Variants in MAGI2 observed in about 807,000 individuals in gnomAD.
MAGI2 encodes membrane associated guanylate kinase, WW and PDZ domain containing 2, also known as membrane-associated guanylate kinase, WW and PDZ domain-containing protein 2.
MAGI2 carries 35 observed loss-of-function variants against 133.3 expected under a neutral mutation model. That is an observed-to-expected ratio of 0.26 (90% CI 0.20 to 0.35). The LOEUF is 0.35. MAGI2 is among the 10% of genes least tolerant of loss of function. The pLI, the probability that MAGI2 is intolerant of heterozygous loss-of-function variation, is 1.00. For missense variants in MAGI2, 1,636 were observed against 1,863.4 expected, an observed-to-expected ratio of 0.88 and a Z score of 2.25; for synonymous variants, 729 against 710.6, an observed-to-expected ratio of 1.03 and a Z score of -0.41.
intron 2 of MAGI2, among the ~76,000 whole-genome samples, chr7:78,889,734 A>C (rs1796582807): frequency 6.6e-6 from 1 of 152,242 alleles, no homozygotes; most frequent in South Asian, 2.1e-4. Context: ...GGAAGAACTA[A>C]ACATGGAAAG....
At chr7:78,855,962 T>C (rs1793601148) in intron 2 of MAGI2, among the ~76,000 whole-genome samples, 1 of 152,228 alleles carries the variant, frequency 6.6e-6, no homozygotes, top group Non-Finnish European at 1.5e-5. Flanking sequence ...AGGTGTGAGA[T>C]GGTATCTCAT....
intron 21 of MAGI2, among the ~76,000 whole-genome samples, chr7:78,071,868 C>G (rs959948071): frequency 9.2e-5 from 14 of 152,210 alleles, no homozygotes; most frequent in African/African-American, 3.4e-4. Context: ...ATTATTGCAG[C>G]AAGTCACCTT....
intron 1 of MAGI2, among the ~76,000 whole-genome samples, chr7:79,123,971 T>A (rs1820163487): frequency 6.6e-6 from 1 of 152,062 alleles, no homozygotes; most frequent in African/African-American, 2.4e-5. Flanking sequence ...CCCCCTCACC[T>A]TTTCACTGTC....
chr7:79,168,885 GATAGATATATATATATATATATAT>G lies in MAGI2; in HGVS notation c.302-161703_302-161680del, dbSNP rs1479449291. ...TGTCTGCCAGGTTTTTCTTTCTAAA[GATAGATATATATATATATATATAT>G]ATATATATATATATATATATATATA... On this transcript the variant is annotated intron_variant, in intron 1 of 21. Transcript: ENST00000354212. 6.0e-3 allele frequency among the ~76,000 whole-genome samples: 834 copies of G among 138,840 alleles called. 21 individuals are homozygous for G. The highest frequency in any genetic ancestry group is 0.022 in the African/African-American group (768 of 34,460). 91.1% of individuals were successfully genotyped at this position (138,840 alleles called of 152,430 possible). A position where few individuals can be genotyped will look rare whatever the true frequency, so the allele number is the denominator to read the frequency against.
chr7:78,450,460 T>C (rs2072006815), intron 6 of MAGI2, among the ~76,000 whole-genome samples: 3 of 152,092 alleles, frequency 2.0e-5, no homozygotes. Flanking sequence ...TGTTCCATAA[T>C]TTTGCTTTCA....
intron 1 of MAGI2, among the ~76,000 whole-genome samples, chr7:79,297,293 C>A (rs1217217474): frequency 6.6e-6 from 1 of 151,964 alleles, no homozygotes. Flanking sequence ...CTAGAGATGC[C>A]AGGAGGAAGA....
chr7:78,461,916 C>CAAAAAAAAGAAAAAAAAAAAA (rs1790072958), intron 6 of MAGI2, among the ~76,000 whole-genome samples: 1 of 30,538 alleles, frequency 3.3e-5, no homozygotes, highest in Non-Finnish European at 6.4e-5. Context: ...AATTCCGTCT[C>CAAAAAAAAGAAAAAAAAAAAA]AAAAAAAAAA....
chr7:78,596,280 C>A (rs1804605561), intron 3 of MAGI2, among the ~76,000 whole-genome samples: 1 of 151,886 alleles, frequency 6.6e-6, no homozygotes, highest in Admixed American at 6.6e-5. Flanking sequence ...TGATACCACA[C>A]TGGAGAGTTA....
chr7:78,493,066 T>C (rs1793766483), intron 5 of MAGI2, among the ~76,000 whole-genome samples: 1 of 152,172 alleles, frequency 6.6e-6, no homozygotes, highest in African/African-American at 2.4e-5. Flanking sequence ...GTTTATCATA[T>C]GGGCATATCC....
chr7:78,266,097 C>T (rs562398040), intron 9 of MAGI2, among the ~76,000 whole-genome samples: 12 of 152,208 alleles, frequency 7.9e-5, no homozygotes, highest in Non-Finnish European at 1.6e-4. Context: ...TCATTTCAAA[C>T]TGCTACCTCC....
chr7:78,423,309 G>A lies in MAGI2; in HGVS notation c.1046-54096C>T, dbSNP rs956414707. Among the ~76,000 whole-genome samples the A allele has an allele frequency of 1.1e-4, 17 of 152,326 alleles. No individual in the cohort carries two copies. The South Asian group carries it at 3.3e-3, about 30-fold the overall frequency. ...TTGCCTGACGCCATCTCCGTAAGAT[G>A]TGACTTGCTCCTCCTTGCCTTCCAC... is the stretch of plus-strand genomic sequence containing the variant. On this transcript the variant is annotated intron_variant, in intron 6 of 21. Transcript: ENST00000354212.
At chr7:79,192,402 T>C (rs1219084256) in intron 1 of MAGI2, among the ~76,000 whole-genome samples, 2 of 151,752 alleles carry the variant, frequency 1.3e-5, no homozygotes, top group Non-Finnish European at 2.9e-5. Flanking sequence ...CCATTTAGAA[T>C]GGTTAATCAA....
At chr7:78,094,864 T>G (rs1817557339) in intron 20 of MAGI2, among the ~76,000 whole-genome samples, 1 of 152,196 alleles carries the variant, frequency 6.6e-6, no homozygotes, top group Non-Finnish European at 1.5e-5. Flanking sequence ...TCTCCCACTC[T>G]CATTGCATAC....
intron 12 of MAGI2, among the ~76,000 whole-genome samples, chr7:78,189,313 AAC>A (rs1458512357): frequency 6.6e-6 from 1 of 152,186 alleles, no homozygotes; most frequent in Non-Finnish European, 1.5e-5. Flanking sequence ...AGTACTAAAA[AAC>A]AGTTTGCTTC....
At chr7:78,442,590 G>A (rs966183589) in intron 6 of MAGI2, among the ~76,000 whole-genome samples, 2 of 152,166 alleles carry the variant, frequency 1.3e-5, no homozygotes, top group Non-Finnish European at 2.9e-5. Context: ...CAGTGGATCT[G>A]CTAATAATTT....
Position 79,259,572 on chromosome 7 carries a change from G to A in MAGI2, c.301+193448C>T, listed in dbSNP as rs931696690. ...ACTTCATGTTTTATGTACACAATCC[G>A]TAAGTGGTAGTGTCCTTCTTAGGTG... On this transcript the variant is annotated intron_variant, in intron 1 of 21. Coordinates refer to ENST00000354212, the MANE Select transcript of MAGI2 (RefSeq NM_012301.4). Among the ~76,000 whole-genome samples the A allele has an allele frequency of 7.2e-5, 11 of 152,108 alleles. No individual in the cohort carries two copies. The South Asian group carries it at 1.5e-3, about 20-fold the overall frequency.
intron 2 of MAGI2, among the ~76,000 whole-genome samples, chr7:78,733,499 A>C (rs1408889208): frequency 6.6e-6 from 1 of 152,224 alleles, no homozygotes; most frequent in Non-Finnish European, 1.5e-5. Context: ...TAACAGCAAA[A>C]ATATTGTAAT....
At chr7:78,619,543 T>C (rs867721821) in intron 3 of MAGI2, among the ~76,000 whole-genome samples, 2 of 151,954 alleles carry the variant, frequency 1.3e-5, no homozygotes, top group Non-Finnish European at 2.9e-5. Flanking sequence ...TTAAAATCAT[T>C]AGTTGCTTAT....
At chr7:78,851,839 C>T (rs926941708) in intron 2 of MAGI2, among the ~76,000 whole-genome samples, 2 of 152,124 alleles carry the variant, frequency 1.3e-5, no homozygotes, top group Admixed American at 1.3e-4. Flanking sequence ...GCAAACAGTG[C>T]AGCTATAAAC....
Sources: allele counts gnomAD v4.1 joint callset (sites outside exome capture counted in the v4.1 genomes callset), GRCh38; gene constraint gnomAD v4.1.1; transcripts MANE v1.5; gene names NCBI Gene and HGNC (gene_info 2026-07-23, HGNC 2026-07-21).